Variants in HABP4 observed in about 807,000 individuals in gnomAD.
HABP4 encodes intracellular hyaluronan-binding protein 4.
In HABP4, 32 loss-of-function variants were observed where a neutral mutation model predicts 44.1. That is an observed-to-expected ratio of 0.73 (90% CI 0.55 to 0.97). HABP4 has a LOEUF of 0.97. Ranked by LOEUF, HABP4 falls within the 50% of genes least tolerant of loss-of-function variation. The pLI is 0.00. For synonymous variants in HABP4, 216 were observed against 218.0 expected (o/e 0.99, Z 0.08); for missense variants, 503 against 561.9 (o/e 0.90, Z 1.06).
At chr9:96,464,763 A>G (rs966898773) in intron 2 of HABP4, among the ~76,000 whole-genome samples, 3 of 152,150 alleles carry the variant, frequency 2.0e-5, no homozygotes, top group Non-Finnish European at 4.4e-5. Flanking sequence ...GTTTATGTGG[A>G]GTAATGAGGT....
chr9:96,459,372 C>T (rs1021264919), intron 2 of HABP4, among the ~76,000 whole-genome samples: 4 of 152,122 alleles, frequency 2.6e-5, no homozygotes, highest in Non-Finnish European at 4.4e-5. Context: ...CCGAAGTACT[C>T]TAACATGGAC....
intron 5 of HABP4, among the ~76,000 whole-genome samples, chr9:96,475,104 C>T (rs944561539): frequency 2.6e-5 from 4 of 152,096 alleles, no homozygotes; most frequent in Non-Finnish European, 5.9e-5. Flanking sequence ...TGGCCAGGCG[C>T]GGTGGCTCAC....
intron 4 of HABP4, among the ~76,000 whole-genome samples, chr9:96,469,731 C>T (rs1036097484): frequency 6.6e-6 from 1 of 152,118 alleles, no homozygotes; most frequent in African/African-American, 2.4e-5. Context: ...CCATGTTGGC[C>T]AGGGTGGTCT....
chr9:96,481,970 C>T (rs889493039), intron 5 of HABP4, among the ~76,000 whole-genome samples: 1 of 148,750 alleles, frequency 6.7e-6, no homozygotes, highest in African/African-American at 2.5e-5. Context: ...GAATCTCACT[C>T]TGTTGTCCAG....
intron 5 of HABP4, among the ~76,000 whole-genome samples, chr9:96,482,558 A>C (rs1290470155): frequency 6.6e-6 from 1 of 152,200 alleles, no homozygotes; most frequent in African/African-American, 2.4e-5. Flanking sequence ...GGCATTTAGT[A>C]CATTCAGAGT....
At chr9:96,457,569 TTAAAAA>T (rs1267943086) in intron 1 of HABP4, among the ~76,000 whole-genome samples, 1 of 152,124 alleles carries the variant, frequency 6.6e-6, no homozygotes, top group Non-Finnish European at 1.5e-5. Flanking sequence ...ACTACAAACT[TTAAAAA>T]CAAAAACCTT....
intron 5 of HABP4, among the ~76,000 whole-genome samples, chr9:96,474,029 T>C (rs1235620928): frequency 1.3e-5 from 2 of 152,198 alleles, no homozygotes; most frequent in Non-Finnish European, 2.9e-5. Flanking sequence ...AGATTTTGTG[T>C]GTGTGCGTGC....
chr9:96,465,107 T>C (rs1044329563), intron 2 of HABP4, among the ~76,000 whole-genome samples: 10 of 152,312 alleles, frequency 6.6e-5, no homozygotes, highest in African/African-American at 2.4e-4. Context: ...AGGCAATAAT[T>C]GTATATTAAA....
At chr9:96,480,749 A>G (rs1052452255) in intron 5 of HABP4, among the ~76,000 whole-genome samples, 3 of 152,222 alleles carry the variant, frequency 2.0e-5, no homozygotes, top group African/African-American at 7.2e-5. Context: ...TATACTATGA[A>G]ATGTATAAAT....
chr9:96,452,911 GTTTTTTTTTTTTTT>G (rs71368266), intron 1 of HABP4, among the ~76,000 whole-genome samples: 63 of 63,190 alleles, frequency 1.0e-3, no homozygotes, highest in African/African-American at 4.4e-3. Flanking sequence ...ATGGAAAAGG[GTTTTTTTTTTTTTT>G]TTTTTTTTTT....
intron 5 of HABP4, among the ~76,000 whole-genome samples, chr9:96,471,793 T>C (rs1832702911): frequency 6.6e-6 from 1 of 151,996 alleles, no homozygotes; most frequent in Middle Eastern, 3.2e-3. Context: ...GTTCTGTTTT[T>C]CTGGGGTTTT....
chr9:96,478,820 G>A (rs911909745), intron 5 of HABP4, among the ~76,000 whole-genome samples: 1 of 151,654 alleles, frequency 6.6e-6, no homozygotes, highest in Admixed American at 6.6e-5. Flanking sequence ...TTGTAGAGAT[G>A]GGGTCTCGTT....
At chr9:96,462,033 C>T (rs1832508300) in intron 2 of HABP4, among the ~76,000 whole-genome samples, 1 of 151,498 alleles carries the variant, frequency 6.6e-6, no homozygotes, top group Admixed American at 6.6e-5. Flanking sequence ...GTAATCCCAG[C>T]TACTCGGGAG....
intron 5 of HABP4, among the ~76,000 whole-genome samples, chr9:96,472,753 C>T (rs12345141): frequency 0.016 from 2,405 of 152,316 alleles, 60 homozygotes; most frequent in African/African-American, 0.054. Context: ...CGTCAGCTGC[C>T]TCTTTCAGAG....
In HABP4 at chr9:96,488,338, T is replaced by C; in HGVS notation, c.1185+64T>C. 3 of 1,121,380 alleles carry C rather than the reference T, an allele frequency of 2.7e-6. No homozygotes were observed. Among genetic ancestry groups the C allele is most frequent in the East Asian group, 2.5e-5 (1 of 40,528 alleles). The allele number at this position is 1,121,380 out of a possible 1,614,324, so 69.5% of individuals were successfully genotyped here. The stretch of plus-strand genomic sequence containing the variant: ...TAAGGACAGTGCCCTGGGCCCAGGA[T>C]GGTCTAATTTCAGAGGGTCATGAGT... On this transcript the variant is annotated intron_variant, in intron 7 of 7. Coordinates refer to ENST00000375249, the MANE Select transcript of HABP4 (RefSeq NM_014282.4). The surrounding 1 kb of genome is among the most constrained non-coding windows in gnomAD (Gnocchi z 4.6).
At chr9:96,484,239 TGA>T in intron 5 of HABP4, 1 of 406,190 alleles carries the variant, frequency 2.5e-6, no homozygotes, top group African/African-American at 2.0e-5. Flanking sequence ...TTTCAAAGAT[TGA>T]TTTGAACACA....
At chr9:96,457,686 G>C (rs906537643) in intron 1 of HABP4, among the ~76,000 whole-genome samples, 1 of 152,106 alleles carries the variant, frequency 6.6e-6, no homozygotes, top group Admixed American at 6.6e-5. Context: ...TGGCCAACAT[G>C]GTGAAACCCT....
intron 2 of HABP4, among the ~76,000 whole-genome samples, chr9:96,461,063 A>G (rs1374215381): frequency 6.6e-6 from 1 of 152,216 alleles, no homozygotes; most frequent in Admixed American, 6.5e-5. Flanking sequence ...GCAAGTAGAC[A>G]TGATGCCTGT....
intron 1 of HABP4, among the ~76,000 whole-genome samples, chr9:96,452,694 A>G (rs1832306584): frequency 6.6e-6 from 1 of 152,134 alleles, no homozygotes. Flanking sequence ...ACTGTACTAA[A>G]TTTATCTATA....
Sources: allele counts gnomAD v4.1 joint callset (sites outside exome capture counted in the v4.1 genomes callset), GRCh38; gene constraint gnomAD v4.1.1; non-coding constraint Gnocchi (gnomAD v3.1); transcripts MANE v1.5; gene names NCBI Gene and HGNC (gene_info 2026-07-23, HGNC 2026-07-21).